The following PSD variants were observed in gnomAD, a reference collection of about 807,000 sequenced individuals.
PSD encodes PH and SEC7 domain-containing protein 1.
In PSD, 32 loss-of-function variants were observed where a neutral mutation model predicts 91.6. That is an observed-to-expected ratio of 0.35 (90% CI 0.26 to 0.47). PSD has a LOEUF of 0.47. PSD is among the 20% of genes least tolerant of loss of function. The pLI, the probability that PSD is intolerant of heterozygous loss-of-function variation, is 1.00. For missense variants in PSD, 1,099 were observed against 1,373.9 expected (o/e 0.80, Z 3.16); for synonymous variants, 532 against 569.3 (o/e 0.93, Z 0.93).
chr10:102,410,994 C>T lies in PSD; in HGVS notation c.2002-47G>A, dbSNP rs888870496. The T allele has an allele frequency of 3.1e-6, 5 of 1,613,272 alleles. No homozygotes were observed. The Admixed American group carries it at 5.0e-5, about 16-fold the overall frequency. On this transcript the variant is annotated intron_variant, in intron 9 of 16. Transcript: ENST00000020673. The surrounding 1 kb of genome is among the most constrained non-coding windows in gnomAD (Gnocchi z 6.0). ...TGTGAGTTTGGAGGGCCCTTGGCCTCCCAGGTCCTGCATGTCTGGCCAGGG... is the reference window on the plus strand; with the variant it reads ...TGTGAGTTTGGAGGGCCCTTGGCCTTCCAGGTCCTGCATGTCTGGCCAGGG...
In PSD at chr10:102,405,805, A is replaced by G. The variant is rs74317069; in HGVS notation, c.2136-269T>C. The G allele has an allele frequency of 0.011, 4,607 of 433,544 alleles. 175 individuals carry two copies. The highest frequency in any genetic ancestry group is 0.082 in the African/African-American group (4,177 of 50,996). The allele number at this position is 433,544 out of a possible 1,614,324, so 26.9% of individuals were successfully genotyped here. On this transcript the variant is annotated intron_variant, in intron 11 of 16. Coordinates refer to ENST00000020673, the MANE Select transcript of PSD (RefSeq NM_002779.5). This position sits in a 1 kb window ranked among gnomAD's most constrained non-coding sequence, Gnocchi z 5.4. ...AAGTAGGGCCAGCACTATCCTCTCC[A>G]TTGCTGCACACCTGCAGCCCTCACA...
chr10:102,410,582 G>C lies in PSD; in HGVS notation c.2091+276C>G, dbSNP rs2061414721. ...GAGGGGAACTGAAGGCAAACGCAGG[G>C]GCCGGGGCCGCCTGCTCGCGTTTTC... On this transcript the variant is annotated intron_variant, in intron 10 of 16. Coordinates refer to ENST00000020673, the MANE Select transcript of PSD (RefSeq NM_002779.5). The surrounding 1 kb of genome is among the most constrained non-coding windows in gnomAD (Gnocchi z 6.0). 6.6e-6 allele frequency among the ~76,000 whole-genome samples: 1 copy of C among 152,196 alleles called. No individual in the cohort carries two copies. The highest frequency in any genetic ancestry group is 2.1e-4 in the South Asian group (1 of 4,838).
At chr10:102,406,838 A>C (rs1190986320) in intron 11 of PSD, among the ~76,000 whole-genome samples, 4 of 152,204 alleles carry the variant, frequency 2.6e-5, no homozygotes, top group Non-Finnish European at 5.9e-5. Flanking sequence ...CCTTCCAAGA[A>C]CAGACAGCAT....
intron 5 of PSD, among the ~76,000 whole-genome samples, chr10:102,412,964 G>A (rs1156371229): frequency 6.6e-6 from 1 of 152,214 alleles, no homozygotes; most frequent in Admixed American, 6.5e-5. Context: ...CGGAGGAACT[G>A]TGGAGGGCCA....
In PSD at chr10:102,403,323, C is replaced by T; in HGVS notation, c.2952G>A (p.Glu984=). ...EAALAQAGST[E]DGLPPSHSSP... is the part of the protein sequence containing the mutation. ...TGGAGTGAGAAGGAGGGAGTCCATC[C>T]TCTGTGCTCCCGGCCTGGGCCAGTG... The change falls in exon 17 of 17, where the codon GAG becomes GAA. Residue 984 remains glutamate, a synonymous_variant. Transcript: ENST00000020673. The surrounding 1 kb of genome is among the most constrained non-coding windows in gnomAD (Gnocchi z 6.7). The T allele has an allele frequency of 6.2e-7, 1 of 1,614,144 alleles. No homozygotes were observed. Among genetic ancestry groups the T allele is most frequent in the Non-Finnish European group, 8.5e-7 (1 of 1,180,006 alleles).
intron 10 of PSD, chr10:102,408,982 G>T: frequency 1.0e-6 from 1 of 987,506 alleles, no homozygotes; most frequent in Non-Finnish European, 1.2e-6. Flanking sequence ...GCTGCGGCCA[G>T]CCGTAGCACA....
intron 5 of PSD, 132 bp from the exon 6 acceptor site, chr10:102,412,707 T>G (rs2061436862): frequency 1.3e-6 from 1 of 766,860 alleles, no homozygotes; most frequent in African/African-American, 1.8e-5. Flanking sequence ...ATTCTTCTTT[T>G]TTCCAGGGAA....
Position 102,403,325 on chromosome 10 carries a change from C to G in PSD, c.2950G>C (p.Glu984Gln). The G allele has an allele frequency of 6.2e-7, 1 of 1,614,152 alleles. No homozygotes were observed. The highest frequency in any genetic ancestry group is 8.5e-7 in the Non-Finnish European group (1 of 1,180,018). Residue 984 changes from glutamate to glutamine, a missense_variant, in exon 17 of 17, where the codon GAG becomes CAG. Around this residue, in one of 3 missense-constraint regions of PSD, gnomAD observed 358 missense variants for 426.5 expected, o/e 0.84. Transcript: ENST00000020673. The surrounding 1 kb of genome is among the most constrained non-coding windows in gnomAD (Gnocchi z 6.7). ...EAALAQAGST[E>Q]DGLPPSHSSP... ...GAGTGAGAAGGAGGGAGTCCATCCT[C>G]TGTGCTCCCGGCCTGGGCCAGTGCT...
chr10:102,414,898 C>T lies in PSD; in HGVS notation c.1089G>A (p.Val363=). The change falls in exon 4 of 17, where the codon GTG becomes GTA. Residue 363 remains valine (V), a synonymous_variant. Coordinates refer to ENST00000020673, the MANE Select transcript of PSD (RefSeq NM_002779.5). The surrounding 1 kb of genome is among the most constrained non-coding windows in gnomAD (Gnocchi z 5.6). ...DDDEAGGEED[V]DDEVFEASEG... ...CAGAGGCCTCAAACACCTCGTCGTCCACATCTTCTTCCCCACCTGCCTCAT... is the reference window on the plus strand; with the variant it reads ...CAGAGGCCTCAAACACCTCGTCGTCTACATCTTCTTCCCCACCTGCCTCAT... The T allele has an allele frequency of 1.3e-6, 2 of 1,507,198 alleles. No homozygotes were observed. The highest frequency in any genetic ancestry group is 2.1e-5 in the Admixed American group (1 of 48,356). 93.4% of individuals were successfully genotyped at this position (1,507,198 alleles called of 1,614,324 possible).
At position 102,413,854 on chromosome 10, in the gene PSD, T is replaced by C. The variant is rs778503402; in HGVS notation, c.1468A>G (p.Arg490Gly). 2 of 1,613,964 alleles carry C rather than the reference T, an allele frequency of 1.2e-6. No individual in the cohort carries two copies. The highest frequency in any genetic ancestry group is 3.3e-5 in the Admixed American group (2 of 60,024). The change falls in exon 5 of 17, where the codon AGA (arginine) becomes GGA (glycine). Residue 490 changes from arginine (R) to glycine (G), a missense_variant. Coordinates refer to ENST00000020673, the MANE Select transcript of PSD (RefSeq NM_002779.5). ...QRGEEEEAEARAKLAPGREPP... is the reference protein window; with the variant it reads ...QRGEEEEAEAGAKLAPGREPP... ...TCCCTCCCTGGGGCCAGCTTGGCTC[T>C]GGCCTCTGCCTCCTCCTCCTCCCCT... is the stretch of plus-strand genomic sequence containing the variant.
Position 102,405,593 on chromosome 10 carries a change from G to C in PSD, c.2136-57C>G. 1 of 1,524,708 alleles carries C rather than the reference G, an allele frequency of 6.6e-7. No homozygotes were observed. The highest frequency in any genetic ancestry group is 8.9e-7 in the Non-Finnish European group (1 of 1,124,792). The allele number at this position is 1,524,708 out of a possible 1,614,324, so 94.4% of individuals were successfully genotyped here. On this transcript the variant is annotated intron_variant, in intron 11 of 16. Transcript: ENST00000020673. This position sits in a 1 kb window ranked among gnomAD's most constrained non-coding sequence, Gnocchi z 5.4. ...CCATGGAGCCGCGGCCCCCGCTTCAGTTCTGGCCTCTGCTCGCCCTGGAAA... is the reference window on the plus strand; with the variant it reads ...CCATGGAGCCGCGGCCCCCGCTTCACTTCTGGCCTCTGCTCGCCCTGGAAA...
chr10:102,407,105 TG>T, intron 11 of PSD, 117 bp downstream of exon 11: 1 of 883,674 alleles, frequency 1.1e-6, no homozygotes, highest in Non-Finnish European at 1.6e-6. Flanking sequence ...CTGCCTCTCA[TG>T]GCCTCTCACT....
In PSD at chr10:102,416,323, G is replaced by C; in HGVS notation, c.654+62C>G. ...GTGAACAGCAGACAAGCCCATGTCTGACAGGAGGCTGAGCCTTGCCCCTTC... is the reference window on the plus strand; with the variant it reads ...GTGAACAGCAGACAAGCCCATGTCTCACAGGAGGCTGAGCCTTGCCCCTTC... On this transcript the variant is annotated intron_variant, in intron 2 of 16. Transcript: ENST00000020673. The surrounding 1 kb of genome is among the most constrained non-coding windows in gnomAD (Gnocchi z 6.0). 1.3e-6 allele frequency: 2 copies of C among 1,529,084 alleles called. No homozygotes were observed. Among genetic ancestry groups the C allele is most frequent in the Non-Finnish European group, 1.8e-6 (2 of 1,127,366 alleles). The allele number at this position is 1,529,084 out of a possible 1,614,324, so 94.7% of individuals were successfully genotyped here.
chr10:102,408,480 C>A (rs986082210), intron 10 of PSD, among the ~76,000 whole-genome samples: 1 of 152,142 alleles, frequency 6.6e-6, no homozygotes, highest in African/African-American at 2.4e-5. Flanking sequence ...CACACCCAGA[C>A]GAAACCCAGC....
intron 8 of PSD, 36 bp from the exon 9 acceptor site, chr10:102,411,152 C>T: frequency 6.4e-7 from 1 of 1,568,990 alleles, no homozygotes; most frequent in Non-Finnish European, 8.7e-7. Flanking sequence ...TGGCTGCCTC[C>T]CAGGGACCCT....
Position 102,404,563 on chromosome 10 carries a change from G to A in PSD, c.2700+20C>T. Reference sequence around the variant, plus strand: ...ACACCCTCCATCCCACTGGCACTAGGTGGACAGAGCTTGGGCTACCTGGGA... The same window carrying A: ...ACACCCTCCATCCCACTGGCACTAGATGGACAGAGCTTGGGCTACCTGGGA... On this transcript the variant is annotated intron_variant, in intron 15 of 16. Transcript: ENST00000020673. The surrounding 1 kb of genome is among the most constrained non-coding windows in gnomAD (Gnocchi z 5.7). 1 of 1,609,794 alleles carries A rather than the reference G, an allele frequency of 6.2e-7. No homozygotes were observed.
Position 102,414,863 on chromosome 10 carries a change from C to T in PSD, c.1124G>A (p.Arg375Gln). The T allele has an allele frequency of 6.7e-7, 1 of 1,492,178 alleles. No individual in the cohort carries two copies. The highest frequency in any genetic ancestry group is 8.9e-7 in the Non-Finnish European group (1 of 1,124,810). 92.4% of individuals were successfully genotyped at this position (1,492,178 alleles called of 1,614,324 possible). A position where few individuals can be genotyped will look rare whatever the true frequency, so the allele number is the denominator to read the frequency against. The change falls in exon 4 of 17, where the codon CGG becomes CAG. Residue 375 changes from arginine (R) to glutamine (Q), a missense_variant and splice_region_variant. Coordinates refer to ENST00000020673, the MANE Select transcript of PSD (RefSeq NM_002779.5). The surrounding 1 kb of genome is among the most constrained non-coding windows in gnomAD (Gnocchi z 5.6). ...TTCCCCCTCCCACTTCCCCACTCAC[C>T]GGGCCCCTTCAGAGGCCTCAAACAC... is the stretch of plus-strand genomic sequence containing the variant. The part of the protein sequence containing the change: ...DEVFEASEGA[R>Q]PGSRMPLKSP...
Position 102,403,933 on chromosome 10 carries a change from A to G in PSD, c.2753T>C (p.Leu918Pro). ...EAKLKAMASE[L>P]REHRAAQLGK... ...CAGCTGGGCGGCCCGGTGCTCCCGC[A>G]GCTCACTTGCCATGGCCTTCAGCTT... Residue 918 changes from leucine to proline, a missense_variant, in exon 16 of 17, where the codon CTG becomes CCG. Leu to Pro is a moderately conservative substitution (Grantham distance 98). This residue lies in a region of PSD where 358 missense variants were observed against 426.5 expected (regional missense o/e 0.84). Transcript: ENST00000020673. The surrounding 1 kb of genome is among the most constrained non-coding windows in gnomAD (Gnocchi z 6.7). 6.3e-7 allele frequency: 1 copy of G among 1,587,686 alleles called. No individual in the cohort carries two copies. The highest frequency in any genetic ancestry group is 8.6e-7 in the Non-Finnish European group (1 of 1,167,204).
intron 11 of PSD, among the ~76,000 whole-genome samples, chr10:102,407,016 A>G (rs922310273): frequency 6.6e-6 from 1 of 152,062 alleles, no homozygotes; most frequent in Admixed American, 6.5e-5. Context: ...CCCACTTGTC[A>G]TAACAACCCA....
Sources: allele counts gnomAD v4.1 joint callset (sites outside exome capture counted in the v4.1 genomes callset), GRCh38; gene constraint gnomAD v4.1.1; regional missense constraint gnomAD v4.1.1; non-coding constraint Gnocchi (gnomAD v3.1); transcripts MANE v1.5; gene names NCBI Gene and HGNC (gene_info 2026-07-23, HGNC 2026-07-21).